Variants in IARS1 observed in about 807,000 individuals in gnomAD.
The protein encoded by IARS1 is isoleucine--tRNA ligase, cytoplasmic.
In IARS1, 124 loss-of-function variants were observed where a neutral mutation model predicts 168.2. The ratio of observed to expected loss-of-function variants is 0.74; its 90% CI spans 0.64 to 0.86. IARS1 has a LOEUF of 0.86. Ranked by LOEUF, IARS1 falls within the 40% of genes least tolerant of loss-of-function variation. The pLI, the probability that IARS1 is intolerant of heterozygous loss-of-function variation, is 0.00. For synonymous variants in IARS1, 532 were observed against 529.4 expected (o/e 1.00, Z -0.07); for missense variants, 1,452 against 1,515.8 (o/e 0.96, Z 0.70).
intron 9 of IARS1, among the ~76,000 whole-genome samples, chr9:92,275,252 T>C (rs1833622260): frequency 6.6e-6 from 1 of 152,248 alleles, no homozygotes; most frequent in South Asian, 2.1e-4. Context: ...GAACAAGCTA[T>C]TAGTAGTCCC....
intron 9 of IARS1, among the ~76,000 whole-genome samples, chr9:92,276,815 TGA>T (rs766154737): frequency 1.3e-5 from 2 of 152,184 alleles, no homozygotes; most frequent in Non-Finnish European, 2.9e-5. Flanking sequence ...ATTCTTTCGG[TGA>T]GAGAGTGTGG....
chr9:92,233,677 C>A (rs973913333), intron 30 of IARS1, among the ~76,000 whole-genome samples: 1 of 152,216 alleles, frequency 6.6e-6, no homozygotes, highest in Non-Finnish European at 1.5e-5. Context: ...ACACGTCTCT[C>A]CACTTACTTA....
chr9:92,282,528 T>C (rs1308539967), intron 6 of IARS1, among the ~76,000 whole-genome samples: 1 of 152,064 alleles, frequency 6.6e-6, no homozygotes, highest in Non-Finnish European at 1.5e-5. Context: ...CCTGGCACTT[T>C]GGGAGGCCAA....
chr9:92,278,594 C>T (rs1344789906), intron 7 of IARS1, among the ~76,000 whole-genome samples: 1 of 152,166 alleles, frequency 6.6e-6, no homozygotes, highest in Non-Finnish European at 1.5e-5. Flanking sequence ...ATAACATTGA[C>T]AAAGTAGCTC....
intron 9 of IARS1, among the ~76,000 whole-genome samples, chr9:92,276,969 C>T (rs1833859544): frequency 6.6e-6 from 1 of 152,162 alleles, no homozygotes; most frequent in Non-Finnish European, 1.5e-5. Context: ...ATTTAAAACA[C>T]CTGCCTCATT....
chr9:92,261,188 G>A (rs1341777458), intron 17 of IARS1, among the ~76,000 whole-genome samples: 7 of 151,792 alleles, frequency 4.6e-5, no homozygotes, highest in Admixed American at 3.9e-4. Flanking sequence ...TCATGCCTGT[G>A]GTCCCAGCTA....
intron 30 of IARS1, among the ~76,000 whole-genome samples, chr9:92,231,758 G>C (rs1336251793): frequency 6.6e-6 from 1 of 151,510 alleles, no homozygotes; most frequent in African/African-American, 2.4e-5. Flanking sequence ...CAGATGGTAT[G>C]GTCAAAAATT....
At chr9:92,266,212 A>C (rs1832273077) in intron 14 of IARS1, among the ~76,000 whole-genome samples, 1 of 152,254 alleles carries the variant, frequency 6.6e-6, no homozygotes, top group Admixed American at 6.5e-5. Context: ...GGCATAAGTG[A>C]AACATCTTAG....
intron 31 of IARS1, among the ~76,000 whole-genome samples, chr9:92,224,676 G>T (rs1825360567): frequency 6.6e-6 from 1 of 151,866 alleles, no homozygotes; most frequent in Non-Finnish European, 1.5e-5. Context: ...CTACAAAAAA[G>T]AAAAGAATTA....
intron 4 of IARS1, 38 bp from the exon 5 acceptor site, chr9:92,286,656 ATATT>A: frequency 9.0e-7 from 1 of 1,106,064 alleles, no homozygotes; most frequent in Non-Finnish European, 1.3e-6. Context: ...TTAGACAATG[ATATT>A]TATAATTGTA....
At chr9:92,214,753 C>A (rs1382526340) in intron 33 of IARS1, among the ~76,000 whole-genome samples, 2 of 152,250 alleles carry the variant, frequency 1.3e-5, no homozygotes, top group African/African-American at 4.8e-5. Flanking sequence ...ATACCCCGCA[C>A]CTAGCTCGGA....
At chr9:92,249,828 T>C (rs756532539) in intron 25 of IARS1, 30 bp downstream of exon 25, 3 of 1,152,722 alleles carry the variant, frequency 2.6e-6, no homozygotes, top group South Asian at 1.3e-5. Context: ...AGTCTATCTG[T>C]ACCAAAAACA....
At chr9:92,247,657 A>C (rs1829418292) in intron 25 of IARS1, 106 bp from the exon 26 acceptor site, 2 of 917,406 alleles carry the variant, frequency 2.2e-6, no homozygotes, top group Non-Finnish European at 3.3e-6. Context: ...GAAAGCAAGA[A>C]CACTTCAAGT....
chr9:92,277,380 G>A (rs1046685501), intron 9 of IARS1, among the ~76,000 whole-genome samples: 5 of 152,006 alleles, frequency 3.3e-5, no homozygotes, highest in East Asian at 1.9e-4. Context: ...AGCCAAGATC[G>A]CGCTATTGCA....
intron 33 of IARS1, among the ~76,000 whole-genome samples, chr9:92,216,135 A>C (rs1340256346): frequency 2.0e-5 from 3 of 151,506 alleles, no homozygotes; most frequent in Non-Finnish European, 4.4e-5. Context: ...CTTAAAGAAA[A>C]GAATTTTCAA....
intron 20 of IARS1, among the ~76,000 whole-genome samples, chr9:92,254,278 G>C (rs1830419805): frequency 1.3e-5 from 2 of 152,214 alleles, no homozygotes. Context: ...TTAGCCAATT[G>C]TCTGAGGCAA....
At chr9:92,274,572 A>C in intron 9 of IARS1, 51 bp from the exon 10 acceptor site, 1 of 1,297,678 alleles carries the variant, frequency 7.7e-7, no homozygotes, top group African/African-American at 1.4e-5. Flanking sequence ...CTGTGTTACA[A>C]CGTTAACTTT....
chr9:92,267,820 C>T (rs1420886163), intron 14 of IARS1, among the ~76,000 whole-genome samples: 1 of 152,076 alleles, frequency 6.6e-6, no homozygotes, highest in Non-Finnish European at 1.5e-5. Context: ...TTTTCATCAT[C>T]TATAAAGTCA....
At chr9:92,267,390 C>T (rs1204400520) in intron 14 of IARS1, among the ~76,000 whole-genome samples, 1 of 152,214 alleles carries the variant, frequency 6.6e-6, no homozygotes, top group African/African-American at 2.4e-5. Flanking sequence ...TGCCGCTCAT[C>T]ACTGCAACAA....
Sources: allele counts gnomAD v4.1 joint callset (sites outside exome capture counted in the v4.1 genomes callset), GRCh38; gene constraint gnomAD v4.1.1; transcripts MANE v1.5; gene names NCBI Gene and HGNC (gene_info 2026-07-23, HGNC 2026-07-21).